The following PLCB4 variants were observed in gnomAD, a reference collection of about 807,000 sequenced individuals.
PLCB4 encodes phospholipase C beta 4.
PLCB4 carries 77 observed loss-of-function variants against 178.8 expected under a neutral mutation model. The observed-to-expected ratio is 0.43, with a 90% CI of 0.36 to 0.52. The LOEUF (loss-of-function observed/expected upper bound fraction) is 0.52, where lower values mean the gene tolerates loss of function less well. Ranked by LOEUF, PLCB4 falls within the 20% of genes least tolerant of loss-of-function variation. PLCB4 has a pLI of 0.00. For synonymous variants in PLCB4, 496 were observed against 490.8 expected (o/e 1.01, Z -0.14); for missense variants, 1,024 against 1,453.4 (o/e 0.70, Z 4.80).
At chr20:9,135,168 A>G (rs1353953864) in intron 2 of PLCB4, among the ~76,000 whole-genome samples, 1 of 152,104 alleles carries the variant, frequency 6.6e-6, no homozygotes, top group Non-Finnish European at 1.5e-5. Context: ...ATATATATTT[A>G]TATACACACA....
chr20:9,163,063 G>A (rs142640897), intron 2 of PLCB4, among the ~76,000 whole-genome samples: 2 of 152,240 alleles, frequency 1.3e-5, no homozygotes, highest in East Asian at 3.9e-4. Flanking sequence ...GTCTTTTGCA[G>A]GCCTTGGAAG....
intron 3 of PLCB4, among the ~76,000 whole-genome samples, chr20:9,246,773 A>T (rs1230121220): frequency 1.3e-5 from 2 of 152,186 alleles, no homozygotes; most frequent in Non-Finnish European, 2.9e-5. Context: ...ATATGACTGG[A>T]TTTGAACTCG....
chr20:9,423,915 T>C lies in PLCB4; in HGVS notation c.2487T>C (p.Asn829=). ...KPLSLPTIFC[N]IVLKTYVPDG... is the part of the protein sequence containing the mutation. ...TATCACTACCAACAATTTTCTGCAA[T>C]ATTGTTCTTAAAACATATGTGCCTG... The change falls in exon 28 of 40, where the codon AAT becomes AAC. Residue 829 remains asparagine, a synonymous_variant. Coordinates refer to ENST00000378473, the MANE Select transcript of PLCB4 (RefSeq NM_001377142.1). The C allele has an allele frequency of 6.2e-7, 1 of 1,612,724 alleles. No individual in the cohort carries two copies. The highest frequency in any genetic ancestry group is 2.2e-5 in the East Asian group (1 of 44,878).
chr20:9,162,096 A>G (rs1221797314), intron 2 of PLCB4, among the ~76,000 whole-genome samples: 1 of 152,104 alleles, frequency 6.6e-6, no homozygotes, highest in African/African-American at 2.4e-5. Context: ...TTCACGATTC[A>G]TTAGAGTGGA....
At chr20:9,116,445 C>T (rs73895556) in intron 2 of PLCB4, among the ~76,000 whole-genome samples, 4,509 of 152,150 alleles carry the variant, frequency 0.03, 232 homozygotes, top group African/African-American at 0.1. Flanking sequence ...TATCTGCAAC[C>T]ATTTTGTCTG....
intron 25 of PLCB4, among the ~76,000 whole-genome samples, chr20:9,418,486 A>G (rs2040405368): frequency 6.6e-6 from 1 of 152,054 alleles, no homozygotes; most frequent in Non-Finnish European, 1.5e-5. Context: ...GATAACGTGG[A>G]TTTATTTATA....
At chr20:9,149,869 A>T (rs2092662071) in intron 2 of PLCB4, among the ~76,000 whole-genome samples, 1 of 152,166 alleles carries the variant, frequency 6.6e-6, no homozygotes, top group African/African-American at 2.4e-5. Flanking sequence ...AGGGGAAAGG[A>T]CGGATTCAGG....
chr20:9,371,204 T>A lies in PLCB4; in HGVS notation c.504-10T>A. On this transcript the variant is annotated splice_polypyrimidine_tract_variant and intron_variant, in intron 9 of 39. Transcript: ENST00000378473. ...AACTGGAATGTGTGTTTCTTTCTTTTCTGCCCTAGTATTACTAGAACATTT... is the reference window on the plus strand; with the variant it reads ...AACTGGAATGTGTGTTTCTTTCTTTACTGCCCTAGTATTACTAGAACATTT... 6.4e-7 allele frequency: 1 copy of A among 1,560,998 alleles called. No homozygotes were observed. The highest frequency in any genetic ancestry group is 8.8e-7 in the Non-Finnish European group (1 of 1,131,666).
Position 9,477,778 on chromosome 20 carries a change from TAAG to T in PLCB4, c.3532+1035_3532+1037del, listed in dbSNP as rs1347998858. Among the ~76,000 whole-genome samples, 4 of 152,282 alleles carry T rather than the reference TAAG, an allele frequency of 2.6e-5. No homozygotes were observed. In the East Asian group the frequency reaches 7.7e-4, roughly 29 times the overall value. On this transcript the variant is annotated intron_variant, in intron 39 of 39. Transcript: ENST00000378473. ...GAAGCTTAACGCCAAAATATAGAAG[TAAG>T]AAGAAGAAGGAAATCACAGTATAGT...
chr20:9,275,918 G>A (rs1942538820), intron 3 of PLCB4, among the ~76,000 whole-genome samples: 1 of 152,070 alleles, frequency 6.6e-6, no homozygotes, highest in South Asian at 2.1e-4. Context: ...TACAAGGAAA[G>A]GTTGGAGGTG....
chr20:9,095,684 T>A (rs936330287), intron 1 of PLCB4, among the ~76,000 whole-genome samples: 2 of 152,180 alleles, frequency 1.3e-5, no homozygotes, highest in African/African-American at 2.4e-5. Context: ...ACATGTAAAA[T>A]AAAATCAGAG....
chr20:9,075,853 A>T (rs1354623527), intron 1 of PLCB4, among the ~76,000 whole-genome samples: 1 of 152,228 alleles, frequency 6.6e-6, no homozygotes, highest in Non-Finnish European at 1.5e-5. Flanking sequence ...CTGTCAGCCC[A>T]TGGTGTGGCC....
chr20:9,393,538 A>T (rs376769927), intron 17 of PLCB4, 50 bp from the exon 18 acceptor site: 18 of 1,248,452 alleles, frequency 1.4e-5, no homozygotes, highest in Non-Finnish European at 2.0e-5. Flanking sequence ...GGGAAGGAGA[A>T]TGGAGAAGCA....
intron 3 of PLCB4, among the ~76,000 whole-genome samples, chr20:9,257,564 T>C (rs2094249652): frequency 6.6e-6 from 1 of 152,186 alleles, no homozygotes; most frequent in East Asian, 1.9e-4. Context: ...TGTTTCATGG[T>C]TCTTTGGGCT....
chr20:9,366,279 T>C (rs930661778), intron 9 of PLCB4, among the ~76,000 whole-genome samples: 1 of 150,962 alleles, frequency 6.6e-6, no homozygotes, highest in African/African-American at 2.4e-5. Context: ...GCACCTGTAG[T>C]CCCAGCTACT....
intron 3 of PLCB4, among the ~76,000 whole-genome samples, chr20:9,222,754 A>G (rs933898371): frequency 1.3e-5 from 2 of 152,208 alleles, no homozygotes; most frequent in African/African-American, 4.8e-5. Flanking sequence ...CTCAAAAGCA[A>G]CATTTGGCTC....
At chr20:9,184,618 A>C (rs11700368) in intron 2 of PLCB4, among the ~76,000 whole-genome samples, 43,767 of 147,836 alleles carry the variant, frequency 0.3, 6,537 homozygotes, top group South Asian at 0.36. Flanking sequence ...AAAAAAAAAA[A>C]AAACCTCTGG....
Position 9,315,804 on chromosome 20 carries a change from G to A in PLCB4, c.84+7906G>A, listed in dbSNP as rs964938589. Among the ~76,000 whole-genome samples, 21 of 152,038 alleles carry A rather than the reference G, an allele frequency of 1.4e-4. No individual in the cohort carries two copies. In the East Asian group the frequency reaches 1.7e-3, roughly 13 times the overall value. The stretch of plus-strand genomic sequence containing the variant: ...AAAAATTAGCCAGGCATGGTGGTGC[G>A]CGCCTGTAGTCCCAGCAACTCAGGA... On this transcript the variant is annotated intron_variant, in intron 4 of 39. Transcript: ENST00000378473.
intron 1 of PLCB4, among the ~76,000 whole-genome samples, chr20:9,088,583 C>T (rs140935791): frequency 5.4e-4 from 82 of 152,216 alleles, no homozygotes; most frequent in African/African-American, 1.8e-3. Context: ...TGAATCAAGT[C>T]ATGGTGATTG....
Sources: gnomAD v4.1 joint callset for allele counts (sites outside exome capture counted in the v4.1 genomes callset) on GRCh38, gnomAD v4.1.1 for gene constraint, MANE v1.5 for transcripts, NCBI Gene and HGNC (gene_info 2026-07-23, HGNC 2026-07-21) for gene names.